Variants in RBFOX1 observed in about 807,000 individuals in gnomAD.
The protein encoded by RBFOX1 is RNA binding protein fox-1 homolog 1.
In RBFOX1, 8 loss-of-function variants were observed where a neutral mutation model predicts 57.7. The ratio of observed to expected loss-of-function variants is 0.14; its 90% CI spans 0.08 to 0.25. The LOEUF (loss-of-function observed/expected upper bound fraction) is 0.25. Ranked by LOEUF, RBFOX1 falls within the 10% of genes least tolerant of loss-of-function variation. The pLI is 1.00. For missense variants in RBFOX1, 611 were observed against 548.5 expected (o/e 1.11, Z -1.14); for synonymous variants, 326 against 222.4 (o/e 1.47, Z -4.15).
intron 1 of RBFOX1, among the ~76,000 whole-genome samples, chr16:6,132,451 G>T (rs957048157): frequency 6.6e-6 from 1 of 152,206 alleles, no homozygotes; most frequent in Non-Finnish European, 1.5e-5. Flanking sequence ...TAGTTTTACT[G>T]AGCAGGAAAT....
intron 4 of RBFOX1, among the ~76,000 whole-genome samples, chr16:7,160,792 C>A: frequency 6.8e-6 from 1 of 147,936 alleles, no homozygotes; most frequent in Non-Finnish European, 1.5e-5. Context: ...TTTCTCCCTC[C>A]TCCGTCTCCC....
chr16:6,921,625 G>A (rs1040882830), intron 3 of RBFOX1, among the ~76,000 whole-genome samples: 1 of 135,226 alleles, frequency 7.4e-6, no homozygotes, highest in Non-Finnish European at 1.6e-5. Context: ...ATAAATTACT[G>A]TATATATATA....
intron 2 of RBFOX1, among the ~76,000 whole-genome samples, chr16:6,559,109 A>G (rs1350820737): frequency 2.1e-5 from 2 of 96,060 alleles, no homozygotes; most frequent in East Asian, 2.2e-4. Context: ...TTATATATAC[A>G]TATGTGTGTG....
intron 4 of RBFOX1, among the ~76,000 whole-genome samples, chr16:5,993,150 C>G (rs1345948341): frequency 1.3e-5 from 2 of 152,098 alleles, no homozygotes; most frequent in Non-Finnish European, 2.9e-5. Context: ...GAACCAGTGA[C>G]CTTTTGTCTT....
At chr16:5,848,728 C>T (rs1193471571) in intron 3 of RBFOX1, among the ~76,000 whole-genome samples, 12 of 152,060 alleles carry the variant, frequency 7.9e-5, no homozygotes, top group Non-Finnish European at 2.9e-5. Context: ...GGGTGGATCA[C>T]CTGAGGTCAG....
chr16:6,884,001 C>T (rs1322947245), intron 3 of RBFOX1, among the ~76,000 whole-genome samples: 2 of 152,138 alleles, frequency 1.3e-5, no homozygotes, highest in African/African-American at 4.8e-5. Context: ...TGGGGAGTCA[C>T]ACACAAGGAG....
intron 3 of RBFOX1, among the ~76,000 whole-genome samples, chr16:5,754,405 C>T (rs780363034): frequency 6.6e-6 from 1 of 151,966 alleles, no homozygotes; most frequent in South Asian, 2.1e-4. Context: ...GTGGGTTGCC[C>T]CTACACACCT....
At chr16:7,707,428 G>A (rs551553834) in intron 14 of RBFOX1, among the ~76,000 whole-genome samples, 1 of 152,292 alleles carries the variant, frequency 6.6e-6, no homozygotes, top group East Asian at 1.9e-4. Context: ...AAAGGTACGT[G>A]CAAATTGGGC....
intron 1 of RBFOX1, among the ~76,000 whole-genome samples, chr16:5,277,568 C>G (rs1340964513): frequency 6.6e-6 from 1 of 152,170 alleles, no homozygotes; most frequent in Non-Finnish European, 1.5e-5. Flanking sequence ...TCAAACCCCT[C>G]CTCTTCCCAG....
intron 3 of RBFOX1, among the ~76,000 whole-genome samples, chr16:5,608,774 C>T (rs4786733): frequency 3.9e-5 from 6 of 152,172 alleles, no homozygotes; most frequent in Non-Finnish European, 2.9e-5. Context: ...CTGAAGGTAG[C>T]TGGCTTTCCT....
chr16:5,823,184 G>A (rs76848020), intron 3 of RBFOX1, among the ~76,000 whole-genome samples: 2,537 of 152,220 alleles, frequency 0.017, 66 homozygotes, highest in African/African-American at 0.058. Context: ...GAGGGCAGTC[G>A]GATACTGACG....
chr16:6,979,998 C>T (rs1241027624), intron 3 of RBFOX1, among the ~76,000 whole-genome samples: 6 of 152,050 alleles, frequency 3.9e-5, no homozygotes, highest in Non-Finnish European at 8.8e-5. Context: ...CACCGTTTCT[C>T]CTTCCCAGCC....
rs530290170 is a variant in RBFOX1 at position 6,444,160 on chromosome 16, G to T, written c.-64+127103G>T. 7.2e-5 allele frequency among the ~76,000 whole-genome samples: 11 copies of T among 152,234 alleles called. No individual in the cohort carries two copies. The East Asian group carries it at 2.1e-3, about 29-fold the overall frequency. ...TGTTGTGAACCACGGTTGAAGTCAG[G>T]TGTGTTTCTTTACTTGGTTTTGTCA... is the stretch of plus-strand genomic sequence containing the variant. On this transcript the variant is annotated intron_variant, in intron 2 of 15. Transcript: ENST00000550418.
At chr16:7,704,096 C>G (rs1025513246) in intron 14 of RBFOX1, among the ~76,000 whole-genome samples, 2 of 152,260 alleles carry the variant, frequency 1.3e-5, no homozygotes, top group African/African-American at 4.8e-5. Flanking sequence ...GAAGATGAGG[C>G]TCAGAGAGCA....
intron 1 of RBFOX1, among the ~76,000 whole-genome samples, chr16:5,426,983 C>T (rs1442906828): frequency 6.6e-6 from 1 of 152,200 alleles, no homozygotes; most frequent in African/African-American, 2.4e-5. Flanking sequence ...TTCATATCGG[C>T]TTCCAGCTGA....
At chr16:7,154,685 TTGTGTGTGTGTGTGTGTGTGTG>T (rs56742260) in intron 4 of RBFOX1, among the ~76,000 whole-genome samples, 50 of 143,156 alleles carry the variant, frequency 3.5e-4, no homozygotes, top group Admixed American at 1.4e-3. Context: ...CCCTCTTCCT[TTGTGTGTGTGTGTGTGTGTGTG>T]TGTGTGTGTG....
intron 5 of RBFOX1, among the ~76,000 whole-genome samples, chr16:7,556,287 G>T (rs950739293): frequency 6.6e-6 from 1 of 152,130 alleles, no homozygotes; most frequent in Non-Finnish European, 1.5e-5. Context: ...AGCTAGTTCT[G>T]TTTCTTGTAC....
At chr16:7,227,583 G>A (rs1427013374) in intron 4 of RBFOX1, among the ~76,000 whole-genome samples, 2 of 152,188 alleles carry the variant, frequency 1.3e-5, no homozygotes, top group African/African-American at 4.8e-5. Flanking sequence ...TGACTGAAAT[G>A]CAAAGCCCGG....
At chr16:6,486,937 C>G (rs946825385) in intron 2 of RBFOX1, among the ~76,000 whole-genome samples, 2 of 152,106 alleles carry the variant, frequency 1.3e-5, no homozygotes, top group African/African-American at 4.8e-5. Context: ...AGGATCCCTG[C>G]TGAACCCCCT....
Sources: gnomAD v4.1 joint callset for allele counts (sites outside exome capture counted in the v4.1 genomes callset) on GRCh38, gnomAD v4.1.1 for gene constraint, MANE v1.5 for transcripts, NCBI Gene and HGNC (gene_info 2026-07-23, HGNC 2026-07-21) for gene names.